Variants in A2ML1 observed in about 807,000 individuals in gnomAD.
A2ML1 encodes alpha-2-macroglobulin-like protein 1.
A neutral mutation model predicts 181.9 loss-of-function variants in A2ML1; 161 were observed. The ratio of observed to expected loss-of-function variants is 0.89; its 90% CI spans 0.78 to 1.01. The LOEUF (loss-of-function observed/expected upper bound fraction) is 1.01. A2ML1 is among the 50% of genes least tolerant of loss of function. The pLI is 0.00. For missense variants in A2ML1, 1,670 were observed against 1,768.1 expected (o/e 0.94, Z 1.00); for synonymous variants, 663 against 666.8 (o/e 0.99, Z 0.09).
chr12:8,869,082 C>G, intron 32 of A2ML1, 53 bp from the exon 33 acceptor site: 1 of 1,571,678 alleles, frequency 6.4e-7, no homozygotes, highest in Non-Finnish European at 8.8e-7. Flanking sequence ...GGAAGACTAC[C>G]CCAGGGAAGG....
intron 3 of A2ML1, among the ~76,000 whole-genome samples, chr12:8,829,025 C>T (rs1565461917): frequency 2.0e-5 from 3 of 152,142 alleles, no homozygotes; most frequent in Non-Finnish European, 4.4e-5. Flanking sequence ...TGGGGGATGG[C>T]GGGGAGGGGG....
chr12:8,850,128 T>G, intron 17 of A2ML1, 32 bp from the exon 18 acceptor site: 1 of 1,539,900 alleles, frequency 6.5e-7, no homozygotes, highest in Non-Finnish European at 8.8e-7. Flanking sequence ...GTCTCCTGTT[T>G]CCTAAAGTTT....
At position 8,839,515 on chromosome 12, in the gene A2ML1, C is replaced by T. The variant is rs933171822; in HGVS notation, c.1080+293C>T. Among the ~76,000 whole-genome samples the T allele has an allele frequency of 1.7e-4, 3 of 17,416 alleles. No homozygotes were observed. In the Non-Finnish European group the frequency reaches 8.7e-3, roughly 51 times the overall value. The allele number at this position is 17,416 out of a possible 152,430, so 11.4% of individuals were successfully genotyped here. A position where few individuals can be genotyped will look rare whatever the true frequency, so the allele number is the denominator to read the frequency against. ...GGGTATACACTCTCCACTCCCTGTACTCTGCTGCCCCAATCCCATAGAAGA... is the reference window on the plus strand; with the variant it reads ...GGGTATACACTCTCCACTCCCTGTATTCTGCTGCCCCAATCCCATAGAAGA... On this transcript the variant is annotated intron_variant, in intron 10 of 35. Coordinates refer to ENST00000299698, the MANE Select transcript of A2ML1 (RefSeq NM_144670.6).
downstream of A2ML1, among the ~76,000 whole-genome samples, chr12:8,877,712 G>T (rs752730246): frequency 8.4e-4 from 128 of 152,296 alleles, 1 homozygote; most frequent in African/African-American, 2.6e-3. Context: ...GCAGAGAAAA[G>T]GGAATGCTAA....
downstream of A2ML1, among the ~76,000 whole-genome samples, chr12:8,878,509 G>C (rs1407911720): frequency 2.0e-5 from 3 of 152,176 alleles, no homozygotes; most frequent in Non-Finnish European, 2.9e-5. The surrounding 1 kb of genome is among the most constrained non-coding windows in gnomAD (Gnocchi z 4.4). Flanking sequence ...AGGGAGAAGG[G>C]AGGAAAGAGG....
chr12:8,884,234 T>A (rs1479480289), intron 7 of A2ML1, among the ~76,000 whole-genome samples: 2 of 144,384 alleles, frequency 1.4e-5, no homozygotes, highest in African/African-American at 2.6e-5. Flanking sequence ...ATTTTTTGTT[T>A]TTTTTTGTTT....
intron 4 of A2ML1, among the ~76,000 whole-genome samples, chr12:8,833,760 T>C (rs1175232152): frequency 2.0e-5 from 3 of 152,186 alleles, no homozygotes; most frequent in East Asian, 3.8e-4. Context: ...ATCTTAGTGA[T>C]ATTCTCCTCC....
chr12:8,881,486 ATTCTCC>A (rs1407220850), downstream of A2ML1, among the ~76,000 whole-genome samples: 6 of 152,222 alleles, frequency 3.9e-5, no homozygotes, highest in Admixed American at 3.9e-4. Context: ...CATATAAGTT[ATTCTCC>A]TTCTCCTGAT....
chr12:8,867,728 G>C, intron 29 of A2ML1, 114 bp from the exon 30 acceptor site: 1 of 867,404 alleles, frequency 1.2e-6, no homozygotes, highest in Non-Finnish European at 1.8e-6. Context: ...AATACTTAAA[G>C]AAGTCATCAT....
Position 8,855,631 on chromosome 12 carries a change from C to T in A2ML1, c.2848+39C>T, listed in dbSNP as rs766857561. ...GATTCTTGACTCAGAAAGGAAAAGGCGAATGGAGGCTGCAAAGGTGTGGAG... is the reference window on the plus strand; with the variant it reads ...GATTCTTGACTCAGAAAGGAAAAGGTGAATGGAGGCTGCAAAGGTGTGGAG... On this transcript the variant is annotated intron_variant, in intron 23 of 35. Coordinates refer to ENST00000299698, the MANE Select transcript of A2ML1 (RefSeq NM_144670.6). The T allele has an allele frequency of 1.1e-5, 17 of 1,599,646 alleles. No individual in the cohort carries two copies. The highest frequency in any genetic ancestry group is 3.3e-4 in the Middle Eastern group (2 of 6,060).
intron 3 of A2ML1, among the ~76,000 whole-genome samples, chr12:8,828,813 C>T (rs1943014458): frequency 6.6e-6 from 1 of 152,226 alleles, no homozygotes; most frequent in Non-Finnish European, 1.5e-5. Flanking sequence ...CTAATCGGAA[C>T]TCAGCTTCCA....
At position 8,851,746 on chromosome 12, in the gene A2ML1, G is replaced by A. The variant is rs374484598; in HGVS notation, c.2235-38G>A. ...TTCACAAATGTTCTCCTTGCCCCACGCTACCTCTGCCTCATGTTGGTCCTT... is the reference window on the plus strand; with the variant it reads ...TTCACAAATGTTCTCCTTGCCCCACACTACCTCTGCCTCATGTTGGTCCTT... On this transcript the variant is annotated intron_variant, in intron 18 of 35. Coordinates refer to ENST00000299698, the MANE Select transcript of A2ML1 (RefSeq NM_144670.6). The A allele has an allele frequency of 1.1e-4, 178 of 1,602,396 alleles. 5 individuals carry two copies. In the East Asian group the frequency reaches 1.6e-3, roughly 14 times the overall value.
intron 21 of A2ML1, 83 bp from the exon 22 acceptor site, chr12:8,854,697 G>A (rs1026616907): frequency 2.7e-6 from 4 of 1,484,404 alleles, no homozygotes; most frequent in Non-Finnish European, 3.7e-6. Context: ...GGCACAGCGA[G>A]GGGCCTCCCT....
rs773034576 is a variant in A2ML1, at chr12:8,854,832, G to A, written c.2764+1G>A. On this transcript the variant is annotated splice_donor_variant, in intron 22 of 35. Transcript: ENST00000299698. LOFTEE classifies it high-confidence loss of function. ...CACAGCTCATTGCTGTGCCCAAAAG[G>A]TGGGTGGACTCAGAGCAGGATTGGT... 5.6e-6 allele frequency: 9 copies of A among 1,613,866 alleles called. No individual in the cohort carries two copies. Among genetic ancestry groups the A allele is most frequent in the Non-Finnish European group, 7.6e-6 (9 of 1,180,032 alleles).
rs374103868 is a variant in A2ML1 at position 8,869,228 on chromosome 12, A to T, written c.4221+25A>T. On this transcript the variant is annotated intron_variant, in intron 33 of 35. Coordinates refer to ENST00000299698, the MANE Select transcript of A2ML1 (RefSeq NM_144670.6). ...GGTAGGTATTCAGGAACCAGATCAA[A>T]GAGCTGGATTGCTTACGGATCTTCA... The T allele has an allele frequency of 6.3e-5, 102 of 1,611,060 alleles. 1 individual carries two copies. The African/African-American group carries it at 1.2e-3, about 18-fold the overall frequency.
chr12:8,868,751 T>G, intron 32 of A2ML1, 124 bp downstream of exon 32: 1 of 695,204 alleles, frequency 1.4e-6, no homozygotes, highest in Non-Finnish European at 2.4e-6. Flanking sequence ...TGTATATACA[T>G]ACATATATAT....
Position 8,852,198 on chromosome 12 carries a change from C to T in A2ML1, c.2464-12C>T. 1 of 1,613,920 alleles carries T rather than the reference C, an allele frequency of 6.2e-7. No individual in the cohort carries two copies. Among genetic ancestry groups the T allele is most frequent in the Middle Eastern group, 1.6e-4 (1 of 6,062 alleles). The stretch of plus-strand genomic sequence containing the variant: ...TTGTTTGTACCCTTTGTCTCTTAAA[C>T]ATCCTCCGTAGGTTCAGACTGACCT... On this transcript the variant is annotated splice_polypyrimidine_tract_variant and intron_variant, in intron 19 of 35. Coordinates refer to ENST00000299698, the MANE Select transcript of A2ML1 (RefSeq NM_144670.6). This position sits in a 1 kb window ranked among gnomAD's most constrained non-coding sequence, Gnocchi z 4.2.
intron 11 of A2ML1, among the ~76,000 whole-genome samples, chr12:8,842,394 A>AT (rs35834530): frequency 6.6e-6 from 1 of 151,268 alleles, no homozygotes; most frequent in Non-Finnish European, 1.5e-5. Flanking sequence ...AATTTTTTGT[A>AT]TTTTTTAGTA....
Position 8,874,963 on chromosome 12 carries a change from T to C in A2ML1, c.4325-8T>C. The C allele has an allele frequency of 6.2e-7, 1 of 1,614,020 alleles. No individual in the cohort carries two copies. The highest frequency in any genetic ancestry group is 8.5e-7 in the Non-Finnish European group (1 of 1,179,926). The stretch of plus-strand genomic sequence containing the variant: ...CAAAGTAATAATATGACTTATTTCA[T>C]TTCACAGATGAACAGGCAACAATTC... On this transcript the variant is annotated splice_region_variant and splice_polypyrimidine_tract_variant and intron_variant, in intron 34 of 35. Coordinates refer to ENST00000299698, the MANE Select transcript of A2ML1 (RefSeq NM_144670.6).
Sources: allele counts gnomAD v4.1 joint callset (sites outside exome capture counted in the v4.1 genomes callset), GRCh38; gene constraint gnomAD v4.1.1; non-coding constraint Gnocchi (gnomAD v3.1); transcripts MANE v1.5; gene names NCBI Gene and HGNC (gene_info 2026-07-23, HGNC 2026-07-21).